Variants in ROBO1 observed in about 807,000 individuals in gnomAD.
ROBO1 encodes roundabout homolog 1.
ROBO1 carries 149 observed loss-of-function variants against 195.9 expected under a neutral mutation model. The ratio of observed to expected loss-of-function variants is 0.76; its 90% CI spans 0.67 to 0.87. ROBO1 has a LOEUF of 0.87. Ranked by LOEUF, ROBO1 falls within the 40% of genes least tolerant of loss-of-function variation. ROBO1 has a pLI of 0.00. For missense variants in ROBO1, 1,933 were observed against 2,068.3 expected (o/e 0.93, Z 1.27); for synonymous variants, 816 against 733.2 (o/e 1.11, Z -1.82).
At chr3:79,745,020 C>CT (rs1703813084) in intron 1 of ROBO1, among the ~76,000 whole-genome samples, 2 of 151,998 alleles carry the variant, frequency 1.3e-5, no homozygotes. Context: ...CCTATTCAAA[C>CT]CTTCTATTTC....
chr3:78,648,832 A>G lies in ROBO1; in HGVS notation c.2813-1177T>C, dbSNP rs117180346. Among the ~76,000 whole-genome samples the G allele has an allele frequency of 2.4e-4, 37 of 152,244 alleles. No individual in the cohort carries two copies. The East Asian group carries it at 4.2e-3, about 17-fold the overall frequency. ...TATATTTTCTATTTCACATTTGAAC[A>G]TCTCCAAGAAATTTACTGTAGAATC... On this transcript the variant is annotated intron_variant, in intron 19 of 30. Transcript: ENST00000464233.
chr3:79,113,271 TA>T (rs1357850579), intron 3 of ROBO1, among the ~76,000 whole-genome samples: 3 of 152,114 alleles, frequency 2.0e-5, no homozygotes, highest in African/African-American at 7.2e-5. Context: ...TTATCCTAAG[TA>T]CCTCTGCCCA....
chr3:78,650,127 C>T (rs554897076), intron 19 of ROBO1, among the ~76,000 whole-genome samples: 1 of 152,138 alleles, frequency 6.6e-6, no homozygotes, highest in South Asian at 2.1e-4. Flanking sequence ...AACACCCTAC[C>T]CCTTCCCCAC....
intron 3 of ROBO1, among the ~76,000 whole-genome samples, chr3:79,107,362 T>C (rs2079804007): frequency 6.6e-6 from 1 of 151,842 alleles, no homozygotes; most frequent in Non-Finnish European, 1.5e-5. Flanking sequence ...TGATAAATTG[T>C]GTTAAAATTA....
At chr3:79,692,538 T>C (rs1442367412) in intron 1 of ROBO1, among the ~76,000 whole-genome samples, 1 of 151,776 alleles carries the variant, frequency 6.6e-6, no homozygotes, top group Non-Finnish European at 1.5e-5. Context: ...TTGTGACTAT[T>C]CTCTCAGCTA....
At chr3:79,268,863 C>T (rs1005896444) in intron 2 of ROBO1, among the ~76,000 whole-genome samples, 12 of 151,564 alleles carry the variant, frequency 7.9e-5, no homozygotes, top group African/African-American at 1.2e-4. Flanking sequence ...GGATTAATTA[C>T]GATTAATACA....
At chr3:78,602,302 CTT>C (rs1486117620) in intron 29 of ROBO1, among the ~76,000 whole-genome samples, 2 of 152,108 alleles carry the variant, frequency 1.3e-5, no homozygotes, top group African/African-American at 2.4e-5. Flanking sequence ...CTCTCTCTCT[CTT>C]GCTCCTGCTT....
intron 3 of ROBO1, among the ~76,000 whole-genome samples, chr3:78,965,681 C>T (rs1407841753): frequency 1.3e-5 from 2 of 151,716 alleles, no homozygotes; most frequent in Non-Finnish European, 2.9e-5. Context: ...ATATAAAACT[C>T]ACTTTTATAA....
intron 18 of ROBO1, among the ~76,000 whole-genome samples, chr3:78,655,796 T>C (rs1706969109): frequency 2.0e-5 from 3 of 152,234 alleles, no homozygotes. Flanking sequence ...TTCATACATC[T>C]GATCCTTTTT....
At chr3:79,660,646 T>A (rs1484512470) in intron 1 of ROBO1, among the ~76,000 whole-genome samples, 1 of 152,134 alleles carries the variant, frequency 6.6e-6, no homozygotes, top group Non-Finnish European at 1.5e-5. Flanking sequence ...AAATCTCTAT[T>A]CTTACAGGGA....
In ROBO1 at chr3:78,732,367, C is replaced by T. The variant is rs192752510; in HGVS notation, c.657+14376G>A. ...CATATTTAAGCCTAACCAATCTGGA[C>T]ATCCAACCTAATGGCCATTAGTCCA... On this transcript the variant is annotated intron_variant, in intron 5 of 30. Coordinates refer to ENST00000464233, the MANE Select transcript of ROBO1 (RefSeq NM_002941.4). Among the ~76,000 whole-genome samples the T allele has an allele frequency of 2.0e-4, 30 of 152,178 alleles. No individual in the cohort carries two copies. The East Asian group carries it at 5.0e-3, about 25-fold the overall frequency.
At chr3:78,902,204 T>C (rs1213940414) in intron 4 of ROBO1, among the ~76,000 whole-genome samples, 5 of 152,138 alleles carry the variant, frequency 3.3e-5, no homozygotes, top group Non-Finnish European at 2.9e-5. Flanking sequence ...TCTAAATAAA[T>C]AAATGTAAGA....
intron 3 of ROBO1, among the ~76,000 whole-genome samples, chr3:79,113,214 C>T (rs2079922783): frequency 6.6e-6 from 1 of 152,068 alleles, no homozygotes; most frequent in South Asian, 2.1e-4. Context: ...ATTGCTAATA[C>T]CTAGAGATCC....
intron 2 of ROBO1, among the ~76,000 whole-genome samples, chr3:79,410,393 G>C (rs986228447): frequency 1.3e-5 from 2 of 151,908 alleles, no homozygotes; most frequent in South Asian, 2.1e-4. Context: ...TTCCAAGGGG[G>C]ACAAAGGTTT....
chr3:79,023,688 G>A (rs868611526), intron 3 of ROBO1, among the ~76,000 whole-genome samples: 4 of 53,300 alleles, frequency 7.5e-5, no homozygotes, highest in Non-Finnish European at 1.5e-4. Flanking sequence ...TTTTTTTTTT[G>A]AGACAGAGTT....
intron 1 of ROBO1, among the ~76,000 whole-genome samples, chr3:79,698,897 T>A (rs1947526042): frequency 6.6e-6 from 1 of 151,470 alleles, no homozygotes; most frequent in Admixed American, 6.6e-5. Context: ...CTGATAAGCT[T>A]TAAAATAATA....
At chr3:79,197,946 C>T (rs1046829917) in intron 2 of ROBO1, among the ~76,000 whole-genome samples, 3 of 150,662 alleles carry the variant, frequency 2.0e-5, no homozygotes, top group Non-Finnish European at 4.4e-5. Context: ...AGCCCTTTGT[C>T]AGATGGGTAG....
In ROBO1 at chr3:79,521,804, A is replaced by C. The variant is rs868451435; in HGVS notation, c.88+68020T>G. Among the ~76,000 whole-genome samples the C allele has an allele frequency of 2.0e-5, 3 of 151,792 alleles. No individual in the cohort carries two copies. In the South Asian group the frequency reaches 6.3e-4, roughly 32 times the overall value. On this transcript the variant is annotated intron_variant, in intron 2 of 30. Coordinates refer to ENST00000464233, the MANE Select transcript of ROBO1 (RefSeq NM_002941.4). The stretch of plus-strand genomic sequence containing the variant: ...GTCCCATCCACGGTCTGCTCCTGAG[A>C]TTAAGGGGAAGATGTGTGGGGAAGC...
chr3:79,612,036 AT>A (rs1187248066), intron 1 of ROBO1, among the ~76,000 whole-genome samples: 1 of 71,380 alleles, frequency 1.4e-5, no homozygotes, highest in Non-Finnish European at 2.9e-5. Flanking sequence ...TTTTTTTATT[AT>A]TTTTTTATAC....
Sources: gnomAD v4.1 joint callset for allele counts (sites outside exome capture counted in the v4.1 genomes callset) on GRCh38, gnomAD v4.1.1 for gene constraint, MANE v1.5 for transcripts, NCBI Gene and HGNC (gene_info 2026-07-23, HGNC 2026-07-21) for gene names.